UNC13C: variants seen among roughly 807,000 people sequenced by gnomAD.
UNC13C encodes the protein unc-13 homolog C.
Under a neutral mutation model 245.4 loss-of-function variants are expected in UNC13C, and 174 were observed. The ratio of observed to expected loss-of-function variants is 0.71; its 90% confidence interval spans 0.63 to 0.80. The LOEUF (loss-of-function observed/expected upper bound fraction) is 0.80. Among genes scored for constraint, UNC13C ranks in the 30% least tolerant of loss-of-function variants. The pLI, the probability that UNC13C is intolerant of heterozygous loss-of-function variation, is 0.00. For synonymous variants in UNC13C, 992 were observed against 895.1 expected, an observed-to-expected ratio of 1.11 and a Z score of -1.93; for missense variants, 2,829 against 2,602.9, an observed-to-expected ratio of 1.09 and a Z score of -1.89.
chr15:54,075,435 AGCTTGCAGTGAGCCG>A lies in UNC13C; in HGVS notation c.2983+59551_2983+59565del, dbSNP rs1898550092. Among the ~76,000 whole-genome samples, 3 of 114,898 alleles carry A rather than the reference AGCTTGCAGTGAGCCG, an allele frequency of 2.6e-5. No homozygotes were observed. In the South Asian group the frequency reaches 7.6e-4, roughly 29 times the overall value. 75.4% of individuals were successfully genotyped at this position (114,898 alleles called of 152,430 possible). ...GAAGGCGGAGCTTGCAGTGAGCCGG[AGCTTGCAGTGAGCCG>A]GAGCTTGCAGTGAGCCGGAGCTTGC... On this transcript the variant is annotated intron_variant, in intron 2 of 32. Coordinates refer to ENST00000260323, the MANE Select transcript of UNC13C (RefSeq NM_001080534.3).
chr15:54,174,086 C>T (rs548149454), intron 4 of UNC13C, among the ~76,000 whole-genome samples: 3 of 152,148 alleles, frequency 2.0e-5, no homozygotes, highest in Admixed American at 6.5e-5. Flanking sequence ...TTTGAATTTG[C>T]TAAATGCAAC....
At chr15:53,982,878 C>G (rs1415140762) in intron 1 of UNC13C, among the ~76,000 whole-genome samples, 1 of 152,130 alleles carries the variant, frequency 6.6e-6, no homozygotes, top group African/African-American at 2.4e-5. Flanking sequence ...AGGCTTGACT[C>G]CATTTCAAAT....
chr15:54,615,699 GTT>G (rs1400318772), intron 30 of UNC13C, among the ~76,000 whole-genome samples: 1 of 152,008 alleles, frequency 6.6e-6, no homozygotes, highest in Non-Finnish European at 1.5e-5. Context: ...GTTGAAAGTT[GTT>G]TTGTTTATTT....
chr15:54,091,595 A>G (rs564004819), intron 2 of UNC13C, among the ~76,000 whole-genome samples: 8 of 152,000 alleles, frequency 5.3e-5, no homozygotes, highest in Non-Finnish European at 7.4e-5. Context: ...TGATGTGTTT[A>G]TTTCTATAGA....
intron 19 of UNC13C, chr15:54,417,181 TA>T (rs1269715819): frequency 3.0e-6 from 1 of 330,342 alleles, no homozygotes; most frequent in East Asian, 8.6e-5. Context: ...ACATTGCCTA[TA>T]ATGATGTTTA....
the UNC13C span, among the ~76,000 whole-genome samples, chr15:53,931,449 G>A: frequency 1.1e-4 from 17 of 152,124 alleles, no homozygotes; most frequent in South Asian, 2.1e-4. Context: ...GATTACAGCC[G>A]TGAGCCATTG....
intron 2 of UNC13C, among the ~76,000 whole-genome samples, chr15:54,029,539 ACAT>A (rs1896267428): frequency 6.6e-6 from 1 of 152,234 alleles, no homozygotes; most frequent in Non-Finnish European, 1.5e-5. Context: ...ACAGTGAATG[ACAT>A]CGTGGTTATA....
At position 54,525,539 on chromosome 15, in the gene UNC13C, C is replaced by T; in HGVS notation, c.5458-10C>T. On this transcript the variant is annotated splice_polypyrimidine_tract_variant and intron_variant, in intron 24 of 32. Transcript: ENST00000260323. Reference sequence around the variant, plus strand: ...ACTCCAAAGTAATATTGTTTATGGTCTCTCTGCAGCTAGATTCTGAAGCTA... The same window carrying T: ...ACTCCAAAGTAATATTGTTTATGGTTTCTCTGCAGCTAGATTCTGAAGCTA... 1 of 1,607,318 alleles carries T rather than the reference C, an allele frequency of 6.2e-7. No homozygotes were observed. The highest frequency in any genetic ancestry group is 8.5e-7 in the Non-Finnish European group (1 of 1,175,960).
At chr15:54,544,043 T>G (rs558706546) in intron 26 of UNC13C, among the ~76,000 whole-genome samples, 1 of 152,216 alleles carries the variant, frequency 6.6e-6, no homozygotes, top group South Asian at 2.1e-4. Flanking sequence ...GCAAAAATCC[T>G]CAATAAAATA....
chr15:54,570,630 A>C (rs1897712311), intron 30 of UNC13C, among the ~76,000 whole-genome samples: 1 of 152,178 alleles, frequency 6.6e-6, no homozygotes, highest in South Asian at 2.1e-4. Context: ...ATCCCATCTC[A>C]ATATTCATGA....
chr15:53,874,119 G>A, the UNC13C span, among the ~76,000 whole-genome samples: 1 of 152,050 alleles, frequency 6.6e-6, no homozygotes, highest in South Asian at 2.1e-4. Context: ...GGGACTATGG[G>A]CATGTTTCAC....
At chr15:54,074,763 T>C (rs919709747) in intron 2 of UNC13C, among the ~76,000 whole-genome samples, 1 of 152,108 alleles carries the variant, frequency 6.6e-6, no homozygotes, top group Non-Finnish European at 1.5e-5. Flanking sequence ...TATGACCTTA[T>C]GGAGATTTGG....
At chr15:54,038,124 A>ATAAAAATTTTTTTTTTTT in intron 2 of UNC13C, among the ~76,000 whole-genome samples, 13 of 45,036 alleles carry the variant, frequency 2.9e-4, no homozygotes, top group African/African-American at 1.4e-3. Flanking sequence ...ATATATATAT[A>ATAAAAATTTTTTTTTTTT]TTTTTTTTTT....
At chr15:54,360,255 G>A (rs1258260451) in intron 17 of UNC13C, among the ~76,000 whole-genome samples, 1 of 152,010 alleles carries the variant, frequency 6.6e-6, no homozygotes, top group Non-Finnish European at 1.5e-5. Context: ...TTCAAGTGCT[G>A]TTGAGAAAAA....
chr15:54,478,540 C>G (rs1171547237), intron 19 of UNC13C, among the ~76,000 whole-genome samples: 2 of 150,684 alleles, frequency 1.3e-5, no homozygotes, highest in African/African-American at 4.9e-5. Flanking sequence ...CAAAGAACAT[C>G]TTTATTTCTG....
At chr15:54,016,302 C>CT (rs1197507985) in intron 2 of UNC13C, among the ~76,000 whole-genome samples, 11 of 152,048 alleles carry the variant, frequency 7.2e-5, no homozygotes, top group African/African-American at 2.4e-4. Flanking sequence ...AAGGTGTAAT[C>CT]TTAAAAAAAA....
At chr15:54,126,317 G>C (rs2031035264) in intron 2 of UNC13C, among the ~76,000 whole-genome samples, 1 of 152,182 alleles carries the variant, frequency 6.6e-6, no homozygotes, top group South Asian at 2.1e-4. Flanking sequence ...ATCTAATAAA[G>C]CAACAGTAGC....
intron 30 of UNC13C, among the ~76,000 whole-genome samples, chr15:54,619,237 AC>A (rs1402271364): frequency 2.6e-5 from 4 of 151,790 alleles, no homozygotes; most frequent in East Asian, 3.9e-4. Context: ...CTCCTCACTT[AC>A]GTTAATAAGC....
intron 2 of UNC13C, among the ~76,000 whole-genome samples, chr15:54,112,850 C>T (rs557510310): frequency 6.6e-6 from 1 of 152,152 alleles, no homozygotes; most frequent in Non-Finnish European, 1.5e-5. Context: ...GACAGTACTA[C>T]CCCTAAACAT....
Sources: gnomAD v4.1 joint callset for allele counts (sites outside exome capture counted in the v4.1 genomes callset) on GRCh38, gnomAD v4.1.1 for gene constraint, MANE v1.5 for transcripts, NCBI Gene and HGNC (gene_info 2026-07-23, HGNC 2026-07-21) for gene names.